Variants in RORB observed in about 807,000 individuals in gnomAD.
RORB encodes the protein nuclear receptor ROR-beta.
RORB carries 6 observed loss-of-function variants against 59.1 expected under a neutral mutation model. The observed-to-expected ratio is 0.10, with a 90% CI of 0.06 to 0.20. The LOEUF (loss-of-function observed/expected upper bound fraction) is 0.20, where lower values mean the gene tolerates loss of function less well. RORB is among the 10% of genes least tolerant of loss of function. RORB has a pLI of 1.00. For synonymous variants in RORB, 215 were observed against 204.5 expected, an observed-to-expected ratio of 1.05 and a Z score of -0.44; for missense variants, 320 against 560.5, an observed-to-expected ratio of 0.57 and a Z score of 4.33.
At chr9:74,607,380 G>T (rs780519374) in intron 1 of RORB, among the ~76,000 whole-genome samples, 1 of 152,190 alleles carries the variant, frequency 6.6e-6, no homozygotes, top group East Asian at 1.9e-4. Context: ...GTTGAGGATT[G>T]TAACGGTGAG....
chr9:74,656,661 G>A (rs571999829), intron 4 of RORB, among the ~76,000 whole-genome samples: 66 of 152,252 alleles, frequency 4.3e-4, no homozygotes, highest in Non-Finnish European at 7.4e-4. Context: ...ACTTCAATCC[G>A]AGAAGTGGAG....
At chr9:74,633,105 C>T (rs774828741) in intron 2 of RORB, among the ~76,000 whole-genome samples, 12 of 152,174 alleles carry the variant, frequency 7.9e-5, no homozygotes, top group Non-Finnish European at 1.3e-4. Context: ...ACCAGTGCCA[C>T]GCTGAGCCAT....
At chr9:74,595,498 C>G (rs1236716784) in intron 1 of RORB, among the ~76,000 whole-genome samples, 2 of 152,192 alleles carry the variant, frequency 1.3e-5, no homozygotes, top group African/African-American at 2.4e-5. Flanking sequence ...ATTTAAGAAA[C>G]CATTACTTTC....
chr9:74,625,011 C>T (rs1022007769), intron 1 of RORB, among the ~76,000 whole-genome samples: 2 of 151,666 alleles, frequency 1.3e-5, no homozygotes, highest in African/African-American at 2.4e-5. Context: ...GAATCATAGC[C>T]GGGTCAGATG....
intron 1 of RORB, among the ~76,000 whole-genome samples, chr9:74,621,882 G>A (rs1823425867): frequency 6.6e-6 from 1 of 152,120 alleles, no homozygotes; most frequent in East Asian, 1.9e-4. Flanking sequence ...TTGGTTAAGT[G>A]TCTATTCAGA....
intron 1 of RORB, among the ~76,000 whole-genome samples, chr9:74,573,481 A>C (rs1009694332): frequency 2.1e-4 from 32 of 152,082 alleles, no homozygotes; most frequent in African/African-American, 5.3e-4. Flanking sequence ...AAAAAAAAAA[A>C]AAAACTGGGC....
intron 1 of RORB, among the ~76,000 whole-genome samples, chr9:74,602,941 A>T (rs755927017): frequency 1.2e-4 from 19 of 152,214 alleles, no homozygotes; most frequent in Non-Finnish European, 2.1e-4. Context: ...TTAGCTGGAT[A>T]ACTAGCTCAT....
At position 74,662,659 on chromosome 9, in the gene RORB, C is replaced by G. The variant is rs1050393116; in HGVS notation, c.892+53C>G. 6.9e-6 allele frequency: 11 copies of G among 1,590,710 alleles called. No homozygotes were observed. The Admixed American group carries it at 1.8e-4, about 27-fold the overall frequency. On this transcript the variant is annotated intron_variant, in intron 6 of 9. Coordinates refer to ENST00000376896, the MANE Select transcript of RORB (RefSeq NM_006914.4). ...ATTTCAGATAAGGATGTGGTCAGCC[C>G]TTAGCACTGTGTTGGTTCTAGAAAA...
intron 4 of RORB, among the ~76,000 whole-genome samples, chr9:74,643,748 C>T (rs1345644425): frequency 6.6e-6 from 1 of 152,186 alleles, no homozygotes; most frequent in Non-Finnish European, 1.5e-5. Flanking sequence ...CAGGCTAGAG[C>T]TCAGGAACCT....
chr9:74,527,301 C>G (rs1170009309), intron 1 of RORB, among the ~76,000 whole-genome samples: 1 of 151,934 alleles, frequency 6.6e-6, no homozygotes, highest in African/African-American at 2.4e-5. Context: ...ATGAATCATT[C>G]ATTCTTAAGT....
chr9:74,607,862 G>A (rs116559664), intron 1 of RORB, among the ~76,000 whole-genome samples: 129 of 152,270 alleles, frequency 8.5e-4, no homozygotes, highest in African/African-American at 2.9e-3. Context: ...TAAGATCAGT[G>A]AAGCAACACA....
intron 9 of RORB, among the ~76,000 whole-genome samples, chr9:74,682,771 C>T (rs57641556): frequency 0.12 from 18,680 of 152,124 alleles, 1,731 homozygotes; most frequent in East Asian, 0.29. Context: ...TAAGAATTTT[C>T]TTAAGAGACA....
chr9:74,551,840 C>T (rs1038852108), intron 1 of RORB, among the ~76,000 whole-genome samples: 5 of 152,102 alleles, frequency 3.3e-5, no homozygotes, highest in Non-Finnish European at 7.4e-5. Context: ...TTATGGAGTA[C>T]TTTTTCACCC....
intron 1 of RORB, among the ~76,000 whole-genome samples, chr9:74,619,166 T>C (rs1429323450): frequency 2.0e-5 from 3 of 152,204 alleles, no homozygotes; most frequent in African/African-American, 7.2e-5. Context: ...CCTTTTTCAC[T>C]CTTCAACCAC....
chr9:74,572,700 C>A (rs866440323), intron 1 of RORB, among the ~76,000 whole-genome samples: 2 of 152,134 alleles, frequency 1.3e-5, no homozygotes, highest in Admixed American at 6.6e-5. Flanking sequence ...CACTTGGGGC[C>A]AGTCTTGGGA....
At chr9:74,568,280 G>A (rs1322166346) in intron 1 of RORB, among the ~76,000 whole-genome samples, 2 of 151,082 alleles carry the variant, frequency 1.3e-5, no homozygotes, top group African/African-American at 4.9e-5. Flanking sequence ...TTTGAAAATA[G>A]AAACTCAAAA....
intron 2 of RORB, among the ~76,000 whole-genome samples, chr9:74,631,363 T>C (rs905612642): frequency 2.6e-5 from 4 of 152,228 alleles, no homozygotes; most frequent in Admixed American, 2.6e-4. Context: ...GGTAAAGTTA[T>C]TGGCAAGAGC....
chr9:74,622,875 A>G (rs1055609987), intron 1 of RORB, among the ~76,000 whole-genome samples: 5 of 152,108 alleles, frequency 3.3e-5, no homozygotes, highest in African/African-American at 9.7e-5. Flanking sequence ...CTGCATGTCT[A>G]TCAGGCACCC....
At chr9:74,650,776 C>G (rs1823977718) in intron 4 of RORB, among the ~76,000 whole-genome samples, 1 of 152,014 alleles carries the variant, frequency 6.6e-6, no homozygotes, top group Admixed American at 6.6e-5. Flanking sequence ...AAGCTTTAGT[C>G]AATTAAATGC....
Sources: gnomAD v4.1 joint callset for allele counts (sites outside exome capture counted in the v4.1 genomes callset) on GRCh38, gnomAD v4.1.1 for gene constraint, MANE v1.5 for transcripts, NCBI Gene and HGNC (gene_info 2026-07-23, HGNC 2026-07-21) for gene names.